The following ACACA variants were observed in gnomAD, a reference collection of about 807,000 sequenced individuals.
The protein encoded by ACACA is acetyl-CoA carboxylase alpha, also known as acetyl-CoA carboxylase 1.
In ACACA, 103 loss-of-function variants were observed where a neutral mutation model predicts 296.1. That is an observed-to-expected ratio of 0.35 (90% CI 0.30 to 0.41). The LOEUF (loss-of-function observed/expected upper bound fraction) is 0.41. Ranked by LOEUF, ACACA falls within the 10% of genes least tolerant of loss-of-function variation. The pLI, the probability that ACACA is intolerant of heterozygous loss-of-function variation, is 1.00. For missense variants in ACACA, 1,554 were observed against 2,989.7 expected, an observed-to-expected ratio of 0.52 and a Z score of 11.20; for synonymous variants, 953 against 1,038.6, an observed-to-expected ratio of 0.92 and a Z score of 1.58.
intron 3 of ACACA, among the ~76,000 whole-genome samples, chr17:37,329,640 C>CA (rs34870931): frequency 0.37 from 43,720 of 119,242 alleles, 9,364 homozygotes; most frequent in African/African-American, 0.62. Flanking sequence ...GACTCTATCT[C>CA]AAAAAAAAAA....
intron 1 of ACACA, chr17:37,388,598 A>G (rs1478905465): frequency 5.3e-6 from 8 of 1,507,830 alleles, no homozygotes; most frequent in Non-Finnish European, 7.3e-6. Context: ...GAAGAACTTC[A>G]GGTCAAAGGA....
chr17:37,215,546 A>G (rs899905287), intron 29 of ACACA, among the ~76,000 whole-genome samples: 1 of 152,224 alleles, frequency 6.6e-6, no homozygotes, highest in African/African-American at 2.4e-5. Context: ...GTTTGTATAA[A>G]TATAACTATA....
At chr17:37,111,075 T>G (rs2073947572) in intron 52 of ACACA, among the ~76,000 whole-genome samples, 1 of 152,136 alleles carries the variant, frequency 6.6e-6, no homozygotes, top group Non-Finnish European at 1.5e-5. Flanking sequence ...TGCGCAATCT[T>G]TACTTCTATT....
chr17:37,379,149 A>C lies in ACACA; in HGVS notation c.38+27113T>G, dbSNP rs781434920. On this transcript the variant is annotated intron_variant, in intron 1 of 55. Coordinates refer to ENST00000616317, the MANE Select transcript of ACACA (RefSeq NM_198834.3). ...CTTCTCCTTCCAGAAACTCACACAG[A>C]AACCAAAAGGACAACATTCATTCAA... 31 of 1,612,912 alleles carry C rather than the reference A, an allele frequency of 1.9e-5. No individual in the cohort carries two copies. The East Asian group carries it at 4.7e-4, about 24-fold the overall frequency.
chr17:37,116,836 A>AG (rs1488664709), intron 50 of ACACA, among the ~76,000 whole-genome samples: 1 of 152,248 alleles, frequency 6.6e-6, no homozygotes, highest in East Asian at 1.9e-4. Context: ...CAATAGCAGC[A>AG]GGGGAGGGGC....
chr17:37,191,129 G>A lies in ACACA; in HGVS notation c.4563C>T (p.Asp1521=), dbSNP rs142886953. 1 of 1,614,062 alleles carries A rather than the reference G, an allele frequency of 6.2e-7. No homozygotes were observed. Among genetic ancestry groups the A allele is most frequent in the Non-Finnish European group, 8.5e-7 (1 of 1,179,988 alleles). The part of the protein sequence containing the change: ...FLNFVPTVIM[D]PSKIEESVRS... ...CTAAGGAGAAATGTACCTTTGATGG[G>A]TCCATGATAACCGTGGGCACAAAGT... The change falls in exon 38 of 56, where the codon GAC becomes GAT. Residue 1521 remains aspartate, a synonymous_variant. Coordinates refer to ENST00000616317, the MANE Select transcript of ACACA (RefSeq NM_198834.3).
At chr17:37,158,708 C>A (rs2076350188) in intron 42 of ACACA, among the ~76,000 whole-genome samples, 1 of 152,042 alleles carries the variant, frequency 6.6e-6, no homozygotes, top group Admixed American at 6.6e-5. Context: ...AGTCCAGGGA[C>A]CAAGCCCTTG....
chr17:37,129,176 T>A (rs1295602799), intron 47 of ACACA, among the ~76,000 whole-genome samples, 189 bp downstream of exon 47: 1 of 152,206 alleles, frequency 6.6e-6, no homozygotes, highest in African/African-American at 2.4e-5. Flanking sequence ...ATTTTATTTA[T>A]TTTTCATTTT....
intron 1 of ACACA, chr17:37,360,446 C>T (rs937694879): frequency 6.6e-6 from 1 of 152,040 alleles, no homozygotes; most frequent in African/African-American, 2.4e-5. Context: ...TATCTAGGAG[C>T]CCTCATAATC....
At chr17:37,386,728 G>A (rs545806814) in intron 1 of ACACA, among the ~76,000 whole-genome samples, 1 of 152,252 alleles carries the variant, frequency 6.6e-6, no homozygotes, top group African/African-American at 2.4e-5. Context: ...CTGTATTTCT[G>A]TAGTAGGTAA....
intron 3 of ACACA, among the ~76,000 whole-genome samples, chr17:37,304,667 C>T (rs1250444067): frequency 3.3e-5 from 5 of 151,956 alleles, no homozygotes; most frequent in Non-Finnish European, 7.4e-5. Flanking sequence ...GTGGTGCACG[C>T]CTGTACCAGC....
intron 3 of ACACA, among the ~76,000 whole-genome samples, chr17:37,312,884 C>CA (rs1046855394): frequency 2.4e-4 from 36 of 151,120 alleles, no homozygotes; most frequent in African/African-American, 8.5e-4. Context: ...TTTAAAGAAA[C>CA]AAAAAAAATA....
intron 1 of ACACA, among the ~76,000 whole-genome samples, chr17:37,363,265 C>T (rs1462485259): frequency 6.8e-6 from 1 of 146,898 alleles, no homozygotes; most frequent in Non-Finnish European, 1.5e-5. Flanking sequence ...TCACTGCAAC[C>T]TCCACCTCCC....
chr17:37,216,708 C>T (rs938659556), intron 29 of ACACA, among the ~76,000 whole-genome samples: 2 of 152,016 alleles, frequency 1.3e-5, no homozygotes, highest in Non-Finnish European at 2.9e-5. Context: ...GGTGTCTTCT[C>T]CCTTTTCAGA....
intron 1 of ACACA, among the ~76,000 whole-genome samples, chr17:37,347,535 C>T (rs2048683384): frequency 6.6e-6 from 1 of 152,032 alleles, no homozygotes; most frequent in Non-Finnish European, 1.5e-5. Flanking sequence ...CTCAAGCGAT[C>T]CTCCAGCCTC....
intron 7 of ACACA, among the ~76,000 whole-genome samples, chr17:37,276,746 G>A (rs2082299173): frequency 6.6e-6 from 1 of 152,160 alleles, no homozygotes; most frequent in Non-Finnish European, 1.5e-5. Flanking sequence ...CTTAAGGTTA[G>A]CTGCAAAGTT....
chr17:37,205,683 C>T (rs1233711905), intron 33 of ACACA, 82 bp downstream of exon 33: 1 of 1,097,604 alleles, frequency 9.1e-7, no homozygotes, highest in African/African-American at 1.5e-5. Context: ...TAGCCATAAA[C>T]TAGCAACTGA....
intron 3 of ACACA, among the ~76,000 whole-genome samples, chr17:37,285,965 C>A (rs2082748736): frequency 6.6e-6 from 1 of 152,124 alleles, no homozygotes; most frequent in South Asian, 2.1e-4. Flanking sequence ...GATCTCAACT[C>A]ACTACAACCT....
intron 1 of ACACA, among the ~76,000 whole-genome samples, chr17:37,381,915 C>CCG (rs1434276633): frequency 3.9e-5 from 6 of 152,318 alleles, no homozygotes; most frequent in South Asian, 2.1e-4. Context: ...GCGTGAGCCA[C>CCG]TGCACCCGGC....
Sources: gnomAD v4.1 joint callset for allele counts (sites outside exome capture counted in the v4.1 genomes callset) on GRCh38, gnomAD v4.1.1 for gene constraint, MANE v1.5 for transcripts, NCBI Gene and HGNC (gene_info 2026-07-23, HGNC 2026-07-21) for gene names.